Variants in DNAAF10 observed in about 807,000 individuals in gnomAD.
DNAAF10 encodes the protein dynein axonemal assembly factor 10.
DNAAF10 carries 28 observed loss-of-function variants against 43.7 expected under a neutral mutation model. That is an observed-to-expected ratio of 0.64 (90% CI 0.48 to 0.88). The LOEUF (loss-of-function observed/expected upper bound fraction) is 0.88. Among genes scored for constraint, DNAAF10 ranks in the 40% least tolerant of loss-of-function variants. DNAAF10 has a pLI of 0.00. For synonymous variants in DNAAF10, 156 were observed against 157.3 expected (o/e 0.99, Z 0.06); for missense variants, 403 against 439.1 (o/e 0.92, Z 0.73).
At chr2:68,138,340 G>A (rs903667267) in intron 5 of DNAAF10, among the ~76,000 whole-genome samples, 5 of 152,164 alleles carry the variant, frequency 3.3e-5, no homozygotes, top group Admixed American at 3.3e-4. Context: ...TAGAAAACAG[G>A]AGGAAACCAC....
chr2:68,138,483 C>T (rs1673098300), intron 5 of DNAAF10, among the ~76,000 whole-genome samples: 1 of 152,170 alleles, frequency 6.6e-6, no homozygotes, highest in Non-Finnish European at 1.5e-5. Context: ...ACATGGCCCA[C>T]AGGGGTCTGC....
chr2:68,130,577 G>C lies in DNAAF10; in HGVS notation c.*661C>G, dbSNP rs1483684129. 2 of 152,572 alleles carry C rather than the reference G, an allele frequency of 1.3e-5. No homozygotes were observed. Among genetic ancestry groups the C allele is most frequent in the African/African-American group, 4.8e-5 (2 of 41,410 alleles). The allele number at this position is 152,572 out of a possible 1,614,324, so 9.5% of individuals were successfully genotyped here. On this transcript the variant is annotated 3_prime_UTR_variant, in exon 8 of 8. Transcript: ENST00000295121. ...AAATGATTCCCACCACAACATTATA[G>C]ACACTAAAACATAACACAAGCATAA...
At chr2:68,155,458 C>A (rs1042238031) in intron 1 of DNAAF10, among the ~76,000 whole-genome samples, 1 of 150,680 alleles carries the variant, frequency 6.6e-6, no homozygotes, top group Admixed American at 6.6e-5. Flanking sequence ...CACGCCACTG[C>A]ACTCAAGCTT....
chr2:68,147,527 G>C lies in DNAAF10; in HGVS notation c.224C>G (p.Ala75Gly). 1 of 1,611,724 alleles carries C rather than the reference G, an allele frequency of 6.2e-7. No individual in the cohort carries two copies. The highest frequency in any genetic ancestry group is 8.5e-7 in the Non-Finnish European group (1 of 1,179,000). ...TAAATATCTCTGCTGTAAAGATGTT[G>C]CACCAAATGTTCCACATTTAATAGG... ...AKPIKCGTFG[A>G]TSLQQRYLAT... is the part of the protein sequence containing the mutation. The change falls in exon 2 of 8, where the codon GCA (alanine) becomes GGA (glycine). Residue 75 changes from alanine (A) to glycine (G), a missense_variant. Transcript: ENST00000295121.
At chr2:68,136,620 G>C (rs1244252753) in intron 6 of DNAAF10, among the ~76,000 whole-genome samples, 2 of 152,084 alleles carry the variant, frequency 1.3e-5, no homozygotes, top group African/African-American at 4.8e-5. Context: ...TTATACTTGA[G>C]GAAGTTCAAA....
chr2:68,140,354 A>G (rs1055968118), intron 4 of DNAAF10, among the ~76,000 whole-genome samples: 10 of 152,140 alleles, frequency 6.6e-5, no homozygotes, highest in African/African-American at 2.4e-4. Context: ...TTCCTTTACA[A>G]ATTATCCCAC....
intron 2 of DNAAF10, among the ~76,000 whole-genome samples, chr2:68,146,484 A>G (rs948832850): frequency 2.0e-5 from 3 of 152,230 alleles, no homozygotes; most frequent in Non-Finnish European, 4.4e-5. Context: ...CTGTATTAGA[A>G]AGATGGTCAA....
intron 7 of DNAAF10, chr2:68,134,417 A>C: frequency 8.3e-7 from 1 of 1,197,896 alleles, no homozygotes; most frequent in Non-Finnish European, 1.0e-6. Context: ...AATCACTTCA[A>C]GATAGTATCT....
At chr2:68,144,753 A>G in intron 2 of DNAAF10, 38 bp from the exon 3 acceptor site, 1 of 1,585,610 alleles carries the variant, frequency 6.3e-7, no homozygotes, top group Non-Finnish European at 8.5e-7. Context: ...CACATATCCC[A>G]AACATATAAG....
At chr2:68,139,812 A>G (rs1212169918) in intron 4 of DNAAF10, among the ~76,000 whole-genome samples, 2 of 152,008 alleles carry the variant, frequency 1.3e-5, no homozygotes, top group Non-Finnish European at 2.9e-5. Flanking sequence ...TCAAAAAAAA[A>G]AAAAGAAAAG....
chr2:68,157,514 C>G lies in DNAAF10; in HGVS notation c.-71G>C, dbSNP rs1673664251. The G allele has an allele frequency of 1.2e-6, 2 of 1,602,900 alleles. No homozygotes were observed. The highest frequency in any genetic ancestry group is 1.7e-6 in the Non-Finnish European group (2 of 1,169,788). ...CAAAAACGGCAACCTGGAAACCAGA[C>G]TCCAAACATTGGCAATTTGTCCCTC... On this transcript the variant is annotated 5_prime_UTR_variant, in exon 1 of 8. Transcript: ENST00000295121.
At chr2:68,135,291 G>A (rs1007281872) in intron 6 of DNAAF10, among the ~76,000 whole-genome samples, 11 of 152,216 alleles carry the variant, frequency 7.2e-5, no homozygotes, top group African/African-American at 1.9e-4. Context: ...TTTATAGACC[G>A]AAATTTAACT....
intron 1 of DNAAF10, 86 bp from the exon 2 acceptor site, chr2:68,147,653 T>C (rs1673352390): frequency 5.2e-6 from 5 of 954,564 alleles, no homozygotes; most frequent in Non-Finnish European, 6.0e-6. Context: ...GGCTCTATTA[T>C]GGCATTTAAA....
At chr2:68,134,929 C>A in intron 6 of DNAAF10, 130 bp from the exon 7 acceptor site, 1 of 1,012,846 alleles carries the variant, frequency 9.9e-7, no homozygotes, top group East Asian at 2.7e-5. Flanking sequence ...TATTTTCTGG[C>A]ACATCTCTTT....
At chr2:68,144,760 TAA>T (rs1673275028) in intron 2 of DNAAF10, 45 bp from the exon 3 acceptor site, 3 of 1,572,378 alleles carry the variant, frequency 1.9e-6, no homozygotes, top group Non-Finnish European at 2.6e-6. Context: ...CCCAAACATA[TAA>T]GTCTACTACT....
chr2:68,134,629 A>G (rs1160106864), intron 7 of DNAAF10, 73 bp downstream of exon 7: 1 of 1,571,654 alleles, frequency 6.4e-7, no homozygotes, highest in African/African-American at 1.4e-5. Flanking sequence ...AAAAAAGAAA[A>G]AAAAGTTCAA....
At chr2:68,135,400 A>G (rs1216864715) in intron 6 of DNAAF10, among the ~76,000 whole-genome samples, 2 of 152,236 alleles carry the variant, frequency 1.3e-5, no homozygotes, top group Non-Finnish European at 2.9e-5. Flanking sequence ...TATGGTCATA[A>G]TAAGCTAAGG....
chr2:68,150,663 G>A (rs978322966), intron 1 of DNAAF10, among the ~76,000 whole-genome samples: 41 of 152,124 alleles, frequency 2.7e-4, no homozygotes, highest in Admixed American at 2.3e-3. Flanking sequence ...AACCCAGAGG[G>A]CGGAGGCTGC....
intron 1 of DNAAF10, among the ~76,000 whole-genome samples, chr2:68,152,554 T>A (rs1179160606): frequency 1.3e-5 from 2 of 152,134 alleles, no homozygotes; most frequent in Non-Finnish European, 2.9e-5. Flanking sequence ...TTAGATAGTT[T>A]ATCTACAGAA....
Sources: allele counts gnomAD v4.1 joint callset (sites outside exome capture counted in the v4.1 genomes callset), GRCh38; gene constraint gnomAD v4.1.1; transcripts MANE v1.5; gene names NCBI Gene and HGNC (gene_info 2026-07-23, HGNC 2026-07-21).